POC1A: variants seen among roughly 807,000 people sequenced by gnomAD.
The protein encoded by POC1A is POC1 centriolar protein A.
Under a neutral mutation model 47.8 loss-of-function variants are expected in POC1A, and 34 were observed. That is an observed-to-expected ratio of 0.71 (90% confidence interval 0.54 to 0.95). The LOEUF (loss-of-function observed/expected upper bound fraction) is 0.95. Ranked by LOEUF, POC1A falls within the 40% of genes least tolerant of loss-of-function variation. The pLI is 0.00. For synonymous variants in POC1A, 177 were observed against 207.6 expected (o/e 0.85, Z 1.27); for missense variants, 466 against 528.3 (o/e 0.88, Z 1.16).
chr3:52,076,121 G>A, intron 10 of POC1A, 136 bp from the exon 11 acceptor site: 1 of 663,498 alleles, frequency 1.5e-6, no homozygotes, highest in Non-Finnish European at 2.8e-6. Context: ...CAGGGGTTCT[G>A]CCAGGCCCCT....
intron 10 of POC1A, among the ~76,000 whole-genome samples, chr3:52,088,846 G>T (rs1702548791): frequency 6.6e-6 from 1 of 150,554 alleles, no homozygotes; most frequent in Non-Finnish European, 1.5e-5. Context: ...TCCACCACCT[G>T]CTCCCTCCCG....
rs1243417594 is a variant in POC1A, at chr3:52,145,603, G to A, written c.679+243C>T. The stretch of plus-strand genomic sequence containing the variant: ...AGTATGTGTGAGATTCTGCCACTTC[G>A]GAGGTGAGCATTGACTGGCTCAGTG... On this transcript the variant is annotated intron_variant, in intron 6 of 10. Coordinates refer to ENST00000296484, the MANE Select transcript of POC1A (RefSeq NM_015426.5). Among the ~76,000 whole-genome samples, 13 of 152,272 alleles carry A rather than the reference G, an allele frequency of 8.5e-5. 1 individual carries two copies. In the South Asian group the frequency reaches 2.5e-3, roughly 29 times the overall value.
chr3:52,148,466 A>T (rs1378552740), intron 4 of POC1A, among the ~76,000 whole-genome samples: 1 of 152,188 alleles, frequency 6.6e-6, no homozygotes, highest in Non-Finnish European at 1.5e-5. Context: ...TCTGAAGCAA[A>T]GATATTTGAC....
intron 9 of POC1A, among the ~76,000 whole-genome samples, chr3:52,113,577 C>T (rs2107052177): frequency 6.6e-6 from 1 of 152,302 alleles, no homozygotes; most frequent in East Asian, 1.9e-4. Context: ...TGGTGTGCAC[C>T]TGTAATCCCA....
intron 9 of POC1A, among the ~76,000 whole-genome samples, chr3:52,105,949 C>T (rs547107353): frequency 3.3e-5 from 5 of 152,220 alleles, no homozygotes; most frequent in Admixed American, 3.3e-4. Flanking sequence ...AATCCCAGCA[C>T]TTTGGGAGGC....
intron 10 of POC1A, among the ~76,000 whole-genome samples, chr3:52,082,208 G>A (rs1298006700): frequency 1.3e-5 from 2 of 152,108 alleles, no homozygotes; most frequent in African/African-American, 2.4e-5. Context: ...GGAGGGCAGT[G>A]GACCCACAAG....
At chr3:52,092,358 AC>A (rs1191830345) in intron 10 of POC1A, among the ~76,000 whole-genome samples, 1 of 152,178 alleles carries the variant, frequency 6.6e-6, no homozygotes, top group Non-Finnish European at 1.5e-5. Flanking sequence ...CCCTAACTGC[AC>A]CAAAACTGTT....
chr3:52,153,230 T>C (rs1698612084), intron 1 of POC1A, among the ~76,000 whole-genome samples: 1 of 152,060 alleles, frequency 6.6e-6, no homozygotes, highest in Non-Finnish European at 1.5e-5. Flanking sequence ...CTCCATCCAA[T>C]AGCAGCTTGT....
At chr3:52,116,538 G>A (rs1451334585) in intron 9 of POC1A, among the ~76,000 whole-genome samples, 1 of 152,070 alleles carries the variant, frequency 6.6e-6, no homozygotes, top group Non-Finnish European at 1.5e-5. Flanking sequence ...GGAGCACAGG[G>A]GACTTGGGTC....
intron 10 of POC1A, among the ~76,000 whole-genome samples, chr3:52,095,271 C>A (rs964564759): frequency 1.3e-5 from 2 of 152,194 alleles, no homozygotes; most frequent in African/African-American, 2.4e-5. Context: ...GTACACTGGG[C>A]CCTGGAGTCC....
chr3:52,088,977 G>A (rs1053373351), intron 10 of POC1A, among the ~76,000 whole-genome samples: 16 of 149,860 alleles, frequency 1.1e-4, no homozygotes, highest in Non-Finnish European at 2.2e-4. Context: ...GGCTACTGTC[G>A]AGCCCATCTG....
intron 10 of POC1A, among the ~76,000 whole-genome samples, chr3:52,083,275 G>A: frequency 6.6e-6 from 1 of 152,152 alleles, no homozygotes; most frequent in South Asian, 2.1e-4. Context: ...CACAGAGGAG[G>A]TGGGAGCATA....
chr3:52,108,850 C>T lies in POC1A; in HGVS notation c.982-12138G>A, dbSNP rs1260049185. On this transcript the variant is annotated intron_variant, in intron 9 of 10. Coordinates refer to ENST00000296484, the MANE Select transcript of POC1A (RefSeq NM_015426.5). Reference sequence around the variant, plus strand: ...GCTGTTATGAACCAAGGTTACATCACGTCTTCCCTTCCCTCCCCCTGCAGG... The same window carrying T: ...GCTGTTATGAACCAAGGTTACATCATGTCTTCCCTTCCCTCCCCCTGCAGG... Among the ~76,000 whole-genome samples the T allele has an allele frequency of 2.6e-5, 4 of 152,204 alleles. No individual in the cohort carries two copies. The East Asian group carries it at 7.7e-4, about 29-fold the overall frequency.
intron 10 of POC1A, among the ~76,000 whole-genome samples, chr3:52,085,233 G>C (rs553742318): frequency 1.3e-5 from 2 of 152,260 alleles, no homozygotes; most frequent in South Asian, 4.1e-4. Context: ...CCCTGCCCCA[G>C]CTGGGCTCCT....
At chr3:52,085,976 G>A (rs1253371323) in intron 10 of POC1A, among the ~76,000 whole-genome samples, 4 of 152,224 alleles carry the variant, frequency 2.6e-5, no homozygotes, top group Non-Finnish European at 1.5e-5. Flanking sequence ...CCCAAATAGG[G>A]CAGCCTGTGG....
chr3:52,151,266 G>A, intron 1 of POC1A, 166 bp from the exon 2 acceptor site: 1 of 968,532 alleles, frequency 1.0e-6, no homozygotes, highest in Non-Finnish European at 1.4e-6. Flanking sequence ...GTTTTTACTA[G>A]GAATAGTTTT....
intron 7 of POC1A, among the ~76,000 whole-genome samples, chr3:52,132,249 C>T (rs1704240824): frequency 6.6e-6 from 1 of 152,220 alleles, no homozygotes; most frequent in Non-Finnish European, 1.5e-5. Flanking sequence ...TGACCCAGTG[C>T]CCAAGCCCAT....
At chr3:52,081,060 T>C (rs1385601480) in intron 10 of POC1A, among the ~76,000 whole-genome samples, 1 of 152,242 alleles carries the variant, frequency 6.6e-6, no homozygotes, top group African/African-American at 2.4e-5. Flanking sequence ...ACCCTTTTCC[T>C]ACTCTGTTAC....
intron 6 of POC1A, 88 bp downstream of exon 6, chr3:52,145,758 T>C: frequency 1.2e-6 from 1 of 829,192 alleles, no homozygotes; most frequent in Non-Finnish European, 2.0e-6. Context: ...CTCAGACCCA[T>C]TTAAGCACTA....
Sources: gnomAD v4.1 joint callset for allele counts (sites outside exome capture counted in the v4.1 genomes callset) on GRCh38, gnomAD v4.1.1 for gene constraint, MANE v1.5 for transcripts, NCBI Gene and HGNC (gene_info 2026-07-23, HGNC 2026-07-21) for gene names.